The following MAP4 variants were observed in gnomAD, a reference collection of about 807,000 sequenced individuals.
MAP4 encodes the protein microtubule associated protein 4.
Under a neutral mutation model 170.2 loss-of-function variants are expected in MAP4, and 76 were observed. That is an observed-to-expected ratio of 0.45 (90% confidence interval 0.37 to 0.54). The LOEUF is 0.54. Ranked by LOEUF, MAP4 falls within the 20% of genes least tolerant of loss-of-function variation. The probability of loss-of-function intolerance (pLI) is 0.00; values close to 1 mark genes in which losing one functional copy is unlikely to be tolerated. For synonymous variants in MAP4, 909 were observed against 994.5 expected, an observed-to-expected ratio of 0.91 and a Z score of 1.62; for missense variants, 2,506 against 2,748.0, an observed-to-expected ratio of 0.91 and a Z score of 1.97.
intron 1 of MAP4, among the ~76,000 whole-genome samples, chr3:48,029,293 C>A (rs1266026438): frequency 2.0e-5 from 3 of 152,068 alleles, no homozygotes; most frequent in Admixed American, 6.6e-5. Flanking sequence ...CAAAAATTAG[C>A]CAGGCGTGGT....
chr3:48,060,571 T>G (rs79377194), intron 1 of MAP4, among the ~76,000 whole-genome samples: 1 of 151,930 alleles, frequency 6.6e-6, no homozygotes, highest in South Asian at 2.1e-4. Context: ...ACTCAACAGA[T>G]TGGGAGAAAA....
chr3:47,921,869 TTAA>T lies in MAP4; in HGVS notation c.422_424del (p.Phe141_Lys142delinsTer). On this transcript the variant is annotated stop_gained and inframe_deletion, in exon 5 of 21. Coordinates refer to ENST00000683076, the MANE Select transcript of MAP4 (RefSeq NM_001385682.1). LOFTEE classifies it high-confidence loss of function. ...TGCCAGGTCATCATCATGGTACATC[TTAA>T]AGGGATCTGGAATATAGAAGAAATC... The T allele has an allele frequency of 6.8e-7, 1 of 1,480,166 alleles. No homozygotes were observed. The highest frequency in any genetic ancestry group is 9.5e-7 in the Non-Finnish European group (1 of 1,057,720). 91.7% of individuals were successfully genotyped at this position (1,480,166 alleles called of 1,614,324 possible). A position where few individuals can be genotyped will look rare whatever the true frequency, so the allele number is the denominator to read the frequency against.
At chr3:47,913,949 G>C (rs1328111568) in intron 8 of MAP4, among the ~76,000 whole-genome samples, 1 of 152,138 alleles carries the variant, frequency 6.6e-6, no homozygotes, top group Non-Finnish European at 1.5e-5. Flanking sequence ...AAGTATCTTA[G>C]AGCAGTACCT....
chr3:47,963,811 T>C (rs2100073132), intron 3 of MAP4, among the ~76,000 whole-genome samples: 1 of 152,044 alleles, frequency 6.6e-6, no homozygotes, highest in Non-Finnish European at 1.5e-5. Flanking sequence ...TACAAATTAT[T>C]AGAAAGTGAC....
intron 10 of MAP4, among the ~76,000 whole-genome samples, chr3:47,885,887 C>G (rs1467945068): frequency 1.3e-5 from 2 of 152,126 alleles, no homozygotes; most frequent in Non-Finnish European, 2.9e-5. Context: ...TGCCACCACG[C>G]CCAACTAATT....
chr3:47,998,633 C>T lies in MAP4; in HGVS notation c.223+5G>A. Reference sequence around the variant, plus strand: ...ATATATAAGCAGTCTGGTTTAAATACTTACCTTCAATCTGGCTAGTTTCTG... The same window carrying T: ...ATATATAAGCAGTCTGGTTTAAATATTTACCTTCAATCTGGCTAGTTTCTG... On this transcript the variant is annotated splice_donor_5th_base_variant and intron_variant, in intron 2 of 20. Coordinates refer to ENST00000683076, the MANE Select transcript of MAP4 (RefSeq NM_001385682.1). 6.2e-7 allele frequency: 1 copy of T among 1,610,874 alleles called. No individual in the cohort carries two copies. The highest frequency in any genetic ancestry group is 8.5e-7 in the Non-Finnish European group (1 of 1,177,180).
chr3:47,976,971 T>C (rs941016458), intron 3 of MAP4, among the ~76,000 whole-genome samples: 2 of 152,226 alleles, frequency 1.3e-5, no homozygotes, highest in Non-Finnish European at 2.9e-5. Context: ...GAAGGGCTTC[T>C]CATAGCTGAG....
At position 48,012,324 on chromosome 3, in the gene MAP4, C is replaced by A. The variant is rs116174526; in HGVS notation, c.-20+4010G>T. ...TACTCCACTCACTCTTTGATGTCCA[C>A]GTGCCTAATTCTTCCGCTCCTGAGA... On this transcript the variant is annotated intron_variant, in intron 1 of 20. Transcript: ENST00000683076. Among the ~76,000 whole-genome samples the A allele has an allele frequency of 5.7e-3, 872 of 152,264 alleles. 7 individuals are homozygous for A. Among genetic ancestry groups the A allele is most frequent in the Non-Finnish European group, 9.0e-3 (615 of 68,028 alleles).
intron 1 of MAP4, among the ~76,000 whole-genome samples, chr3:48,011,992 G>A (rs925366155): frequency 6.6e-6 from 1 of 152,178 alleles, no homozygotes; most frequent in African/African-American, 2.4e-5. Flanking sequence ...ACTGTCCTGG[G>A]TAAATCCTGA....
chr3:48,009,438 A>G (rs1272364919), intron 1 of MAP4, among the ~76,000 whole-genome samples: 2 of 152,192 alleles, frequency 1.3e-5, no homozygotes, highest in African/African-American at 4.8e-5. Context: ...ATGGTATGCC[A>G]CGCAGCATTG....
chr3:47,919,058 A>T (rs2100041299), intron 5 of MAP4, among the ~76,000 whole-genome samples: 6 of 151,782 alleles, frequency 4.0e-5, no homozygotes, highest in Admixed American at 3.9e-4. Context: ...CAGTCTCCCG[A>T]GTAGCTGGGA....
chr3:47,919,916 TTTG>T (rs34455536), intron 5 of MAP4, among the ~76,000 whole-genome samples: 57,807 of 151,028 alleles, frequency 0.38, 12,321 homozygotes, highest in African/African-American at 0.58. Flanking sequence ...TTGTAGCAGT[TTTG>T]TTGTTGTTGT....
chr3:48,073,630 A>G (rs1304831747), intron 1 of MAP4, among the ~76,000 whole-genome samples: 2 of 152,046 alleles, frequency 1.3e-5, no homozygotes, highest in East Asian at 1.9e-4. Context: ...AAAAGAAGAA[A>G]AAAAAAGTTC....
chr3:48,015,962 C>T (rs972807679), intron 1 of MAP4, among the ~76,000 whole-genome samples: 3 of 152,224 alleles, frequency 2.0e-5, no homozygotes, highest in South Asian at 2.1e-4. Flanking sequence ...ACTGTCCACC[C>T]CTAGGTTCCT....
At chr3:48,011,639 T>TA (rs2100105317) in intron 1 of MAP4, among the ~76,000 whole-genome samples, 1 of 152,140 alleles carries the variant, frequency 6.6e-6, no homozygotes, top group African/African-American at 2.4e-5. Context: ...AGCCCTATTC[T>TA]ATGCTCGTCC....
At chr3:47,948,667 G>A (rs1252368472) in intron 3 of MAP4, among the ~76,000 whole-genome samples, 1 of 151,980 alleles carries the variant, frequency 6.6e-6, no homozygotes, top group East Asian at 1.9e-4. Flanking sequence ...TGTTGCCCAG[G>A]CTGGAGTGCA....
chr3:47,864,580 A>G (rs1030364578), intron 17 of MAP4, among the ~76,000 whole-genome samples: 13 of 152,178 alleles, frequency 8.5e-5, no homozygotes, highest in Non-Finnish European at 1.2e-4. Context: ...GGGAGGCTGA[A>G]GCAGGAGAAT....
intron 8 of MAP4, 99 bp from the exon 9 acceptor site, chr3:47,912,520 A>T (rs1191945329): frequency 1.8e-6 from 2 of 1,094,974 alleles, no homozygotes; most frequent in African/African-American, 3.2e-5. Context: ...TGACTAATTT[A>T]AGGAGGCTAT....
chr3:48,063,271 A>T (rs377694603), intron 1 of MAP4, among the ~76,000 whole-genome samples: 114 of 152,184 alleles, frequency 7.5e-4, no homozygotes, highest in African/African-American at 2.7e-3. Context: ...TGCTAGTGGA[A>T]ATGCAAAATG....
Sources: gnomAD v4.1 joint callset for allele counts (sites outside exome capture counted in the v4.1 genomes callset) on GRCh38, gnomAD v4.1.1 for gene constraint, MANE v1.5 for transcripts, NCBI Gene and HGNC (gene_info 2026-07-23, HGNC 2026-07-21) for gene names.